The following PEBP4 variants were observed in gnomAD, a reference collection of about 807,000 sequenced individuals.
PEBP4 encodes phosphatidylethanolamine binding protein 4, also known as phosphatidylethanolamine-binding protein 4.
Under a neutral mutation model 23.9 loss-of-function variants are expected in PEBP4, and 22 were observed. The ratio of observed to expected loss-of-function variants is 0.92; its 90% confidence interval spans 0.66 to 1.31. The LOEUF (loss-of-function observed/expected upper bound fraction) is 1.31. PEBP4 is among the 40% of genes most tolerant of loss of function. The pLI is 0.00. For missense variants in PEBP4, 324 were observed against 281.7 expected (o/e 1.15, Z -1.07); for synonymous variants, 112 against 99.3 (o/e 1.13, Z -0.76).
At chr8:22,759,325 G>C (rs1430014558) in intron 4 of PEBP4, among the ~76,000 whole-genome samples, 5 of 151,930 alleles carry the variant, frequency 3.3e-5, no homozygotes, top group African/African-American at 1.2e-4. Context: ...CTGGCTTCTT[G>C]TCAAGTGAAA....
intron 6 of PEBP4, among the ~76,000 whole-genome samples, chr8:22,721,883 C>T (rs560868559): frequency 6.6e-6 from 1 of 152,150 alleles, no homozygotes; most frequent in Non-Finnish European, 1.5e-5. Context: ...CTTCAGAGAG[C>T]ACCAGGCCCT....
chr8:22,905,050 A>C (rs1808784276), intron 3 of PEBP4, among the ~76,000 whole-genome samples: 1 of 152,242 alleles, frequency 6.6e-6, no homozygotes, highest in South Asian at 2.1e-4. Context: ...TGACTTTGAT[A>C]GGCATTATTG....
rs367838699 is a variant in PEBP4, at chr8:22,779,628, G to C, written c.357+38009C>G. On this transcript the variant is annotated intron_variant, in intron 4 of 6. Transcript: ENST00000256404. ...AGAAGAGTCCTTTGGAAGGCTGGGT[G>C]GTGTCTCCACTGGGAATGTTCATTC... is the stretch of plus-strand genomic sequence containing the variant. 3.3e-5 allele frequency among the ~76,000 whole-genome samples: 5 copies of C among 152,258 alleles called. No homozygotes were observed. In the East Asian group the frequency reaches 9.7e-4, roughly 29 times the overall value.
At chr8:22,734,694 C>T (rs537679085) in intron 4 of PEBP4, among the ~76,000 whole-genome samples, 12 of 152,180 alleles carry the variant, frequency 7.9e-5, no homozygotes, top group African/African-American at 2.9e-4. Flanking sequence ...GTTGGGTGGG[C>T]ACTATTGAAA....
intron 3 of PEBP4, among the ~76,000 whole-genome samples, chr8:22,818,311 C>G (rs1806788924): frequency 6.6e-6 from 1 of 151,722 alleles, no homozygotes; most frequent in African/African-American, 2.4e-5. Flanking sequence ...GTAAAAGACG[C>G]AGATAATAAA....
chr8:22,808,919 C>A (rs1295897336), intron 4 of PEBP4, among the ~76,000 whole-genome samples: 1 of 152,176 alleles, frequency 6.6e-6, no homozygotes, highest in East Asian at 1.9e-4. Flanking sequence ...GACAATCAAT[C>A]CTAATGGCTA....
intron 3 of PEBP4, among the ~76,000 whole-genome samples, chr8:22,916,929 G>C (rs994272240): frequency 5.9e-5 from 9 of 152,236 alleles, no homozygotes; most frequent in Non-Finnish European, 1.0e-4. Context: ...ATCAGCCAGG[G>C]ATGTAGGTGG....
chr8:22,858,016 C>T (rs182076199), intron 3 of PEBP4, among the ~76,000 whole-genome samples: 1 of 152,322 alleles, frequency 6.6e-6, no homozygotes, highest in African/African-American at 2.4e-5. Flanking sequence ...TCTCCTCCAC[C>T]ACTTTTCAGA....
chr8:22,927,791 G>C (rs769403186), intron 1 of PEBP4, 32 bp downstream of exon 1: 2 of 1,582,094 alleles, frequency 1.3e-6, no homozygotes, highest in Non-Finnish European at 1.7e-6. Flanking sequence ...CTGTGCCCCC[G>C]ACCCCAGGGG....
At chr8:22,903,250 C>G (rs1159964069) in intron 3 of PEBP4, among the ~76,000 whole-genome samples, 1 of 152,214 alleles carries the variant, frequency 6.6e-6, no homozygotes, top group Admixed American at 6.5e-5. Context: ...CTGGCTTCAT[C>G]ACTCATGAAC....
intron 4 of PEBP4, among the ~76,000 whole-genome samples, chr8:22,776,294 A>G (rs1805813904): frequency 6.6e-6 from 1 of 151,878 alleles, no homozygotes; most frequent in Non-Finnish European, 1.5e-5. Context: ...TTCTCTTTTT[A>G]CTCATAGATG....
chr8:22,838,642 G>A lies in PEBP4; in HGVS notation c.259-20907C>T, dbSNP rs557312429. 7.2e-5 allele frequency among the ~76,000 whole-genome samples: 11 copies of A among 152,388 alleles called. No homozygotes were observed. In the East Asian group the frequency reaches 9.6e-4, roughly 13 times the overall value. On this transcript the variant is annotated intron_variant, in intron 3 of 6. Transcript: ENST00000256404. ...TCAGCGTTTGCCTAAAAGCTAGGCCGGGGCCTCAGCCGACCCAGGAAGCCT... is the reference window on the plus strand; with the variant it reads ...TCAGCGTTTGCCTAAAAGCTAGGCCAGGGCCTCAGCCGACCCAGGAAGCCT...
chr8:22,939,823 G>A (rs1809585345), intron 1 of PEBP4, among the ~76,000 whole-genome samples: 1 of 152,168 alleles, frequency 6.6e-6, no homozygotes, highest in Non-Finnish European at 1.5e-5. Flanking sequence ...TAGACCTCGG[G>A]CCAGAGGCTG....
chr8:22,713,355 G>A lies in PEBP4; in HGVS notation c.*15C>T. On this transcript the variant is annotated 3_prime_UTR_variant, in exon 7 of 7. Coordinates refer to ENST00000256404, the MANE Select transcript of PEBP4 (RefSeq NM_144962.3). ...GGGCAGTGTGGCCACATGCCCGGAT[G>A]GCAAAGCCGGCTATCTAGCAGGCAG... The A allele has an allele frequency of 1.3e-6, 2 of 1,565,250 alleles. No individual in the cohort carries two copies. The highest frequency in any genetic ancestry group is 1.2e-5 in the South Asian group (1 of 83,690).
intron 4 of PEBP4, among the ~76,000 whole-genome samples, chr8:22,803,314 C>T: frequency 6.6e-6 from 1 of 152,152 alleles, no homozygotes; most frequent in East Asian, 1.9e-4. Flanking sequence ...ACAGCCAGGC[C>T]ACCTGTCTTG....
At chr8:22,797,588 G>T (rs965388736) in intron 4 of PEBP4, among the ~76,000 whole-genome samples, 4 of 152,208 alleles carry the variant, frequency 2.6e-5, no homozygotes, top group African/African-American at 9.6e-5. Context: ...AAGTGAAGAG[G>T]TTTGAAGGTA....
intron 4 of PEBP4, among the ~76,000 whole-genome samples, chr8:22,785,418 G>C (rs1806007881): frequency 6.6e-6 from 1 of 152,108 alleles, no homozygotes; most frequent in Non-Finnish European, 1.5e-5. Context: ...GCCATTTCGA[G>C]ACCCCAGATG....
At chr8:22,872,880 T>C (rs1808033846) in intron 3 of PEBP4, among the ~76,000 whole-genome samples, 1 of 152,042 alleles carries the variant, frequency 6.6e-6, no homozygotes, top group African/African-American at 2.4e-5. Flanking sequence ...TTTCCCCATA[T>C]TGGCAAGGCT....
rs554321486 is a variant in PEBP4, at chr8:22,824,609, T to G, written c.259-6874A>C. Among the ~76,000 whole-genome samples, 7 of 152,334 alleles carry G rather than the reference T, an allele frequency of 4.6e-5. 1 individual carries two copies. In the East Asian group the frequency reaches 1.2e-3, roughly 25 times the overall value. On this transcript the variant is annotated intron_variant, in intron 3 of 6. Transcript: ENST00000256404. The stretch of plus-strand genomic sequence containing the variant: ...TGAAATAATTATAAACTCACTGTAA[T>G]GTAGAATCGGTGAACACCCTGAGCT...
Sources: allele counts gnomAD v4.1 joint callset (sites outside exome capture counted in the v4.1 genomes callset), GRCh38; gene constraint gnomAD v4.1.1; transcripts MANE v1.5; gene names NCBI Gene and HGNC (gene_info 2026-07-23, HGNC 2026-07-21).